Variants in CSMD2 observed in about 807,000 individuals in gnomAD.
CSMD2 encodes CUB and Sushi multiple domains 2.
A neutral mutation model predicts 398.5 loss-of-function variants in CSMD2; 130 were observed. That is an observed-to-expected ratio of 0.33 (90% CI 0.28 to 0.38). The LOEUF is 0.38. CSMD2 is among the 10% of genes least tolerant of loss of function. The pLI is 1.00. For synonymous variants in CSMD2, 1,828 were observed against 1,908.5 expected (o/e 0.96, Z 1.10); for missense variants, 3,829 against 4,764.9 (o/e 0.80, Z 5.78).
chr1:33,627,963 T>C (rs1642231301), intron 32 of CSMD2, among the ~76,000 whole-genome samples: 1 of 152,136 alleles, frequency 6.6e-6, no homozygotes, highest in African/African-American at 2.4e-5. Context: ...GTAAAATCAC[T>C]GGACATAAGA....
intron 2 of CSMD2, among the ~76,000 whole-genome samples, chr1:34,047,060 T>C (rs1017087166): frequency 1.3e-5 from 2 of 152,064 alleles, no homozygotes; most frequent in African/African-American, 4.8e-5. Flanking sequence ...CTTCTCTGCT[T>C]GAAACCCTTC....
rs758149123 is a variant in CSMD2 at position 33,518,987 on chromosome 1, A to T, written c.*53+478T>A. Among the ~76,000 whole-genome samples, 1 of 152,146 alleles carries T rather than the reference A, an allele frequency of 6.6e-6. No individual in the cohort carries two copies. The highest frequency in any genetic ancestry group is 1.5e-5 in the Non-Finnish European group (1 of 68,032). On this transcript the variant is annotated intron_variant, in intron 70 of 70. Coordinates refer to ENST00000373381, the MANE Select transcript of CSMD2 (RefSeq NM_001281956.2). This position sits in a 1 kb window ranked among gnomAD's most constrained non-coding sequence, Gnocchi z 4.3. ...ATACACAATATACCTATATACACAG[A>T]TATATGTGCATCTCTGTATAGCTCT...
intron 62 of CSMD2, among the ~76,000 whole-genome samples, chr1:33,534,363 A>T (rs915926406): frequency 3.3e-5 from 5 of 152,230 alleles, no homozygotes; most frequent in African/African-American, 1.2e-4. Context: ...CAAATTAAAT[A>T]TTGTGTGTGT....
chr1:34,096,357 G>C (rs898087644), intron 1 of CSMD2, among the ~76,000 whole-genome samples: 1 of 151,982 alleles, frequency 6.6e-6, no homozygotes, highest in Non-Finnish European at 1.5e-5. Flanking sequence ...GCACAAGACA[G>C]GGATGCCCTC....
rs576720381 is a variant in CSMD2 at position 33,877,207 on chromosome 1, C to T, written c.921-30211G>A. Among the ~76,000 whole-genome samples the T allele has an allele frequency of 3.9e-5, 6 of 152,186 alleles. No homozygotes were observed. In the East Asian group the frequency reaches 9.6e-4, roughly 24 times the overall value. On this transcript the variant is annotated intron_variant, in intron 5 of 70. Coordinates refer to ENST00000373381, the MANE Select transcript of CSMD2 (RefSeq NM_001281956.2). ...AAAGCTGTTCAGGATGGCTATGGCG[C>T]ACAGCCCAGGGCTGACTCAGCATTG...
At chr1:33,871,387 G>A (rs1640450091) in intron 5 of CSMD2, among the ~76,000 whole-genome samples, 1 of 152,186 alleles carries the variant, frequency 6.6e-6, no homozygotes, top group Non-Finnish European at 1.5e-5. Flanking sequence ...CTTAAAAGAA[G>A]TGATGAACAT....
At chr1:34,010,820 G>A (rs533489791) in intron 3 of CSMD2, among the ~76,000 whole-genome samples, 6 of 152,116 alleles carry the variant, frequency 3.9e-5, no homozygotes, top group South Asian at 2.1e-4. Context: ...AGGTTTCACC[G>A]TGTTAGCCTC....
rs940552086 is a variant in CSMD2 at position 33,573,198 on chromosome 1, A to G, written c.7577-507T>C. Among the ~76,000 whole-genome samples, 76 of 152,204 alleles carry G rather than the reference A, an allele frequency of 5.0e-4. 4 individuals carry two copies. Among genetic ancestry groups the G allele is most frequent in the East Asian group, 1.9e-4 (1 of 5,204 alleles). On this transcript the variant is annotated intron_variant, in intron 49 of 70. Transcript: ENST00000373381. ...TGCCACATACTCAACTCAACCTCTCACTGATAGGAGAGACTTTGTGGACCA... is the reference window on the plus strand; with the variant it reads ...TGCCACATACTCAACTCAACCTCTCGCTGATAGGAGAGACTTTGTGGACCA...
At chr1:33,762,497 C>T (rs557628877) in intron 13 of CSMD2, among the ~76,000 whole-genome samples, 1 of 152,142 alleles carries the variant, frequency 6.6e-6, no homozygotes, top group African/African-American at 2.4e-5. Context: ...TCCTCTTCCA[C>T]GCAGGTAGCT....
chr1:33,660,249 T>C (rs549741849), intron 26 of CSMD2, among the ~76,000 whole-genome samples: 11 of 152,298 alleles, frequency 7.2e-5, no homozygotes, highest in Non-Finnish European at 1.5e-4. Context: ...TTTGTGAAAA[T>C]TGTAAGAGCT....
intron 44 of CSMD2, among the ~76,000 whole-genome samples, chr1:33,590,293 A>AT (rs1639342905): frequency 8.5e-6 from 1 of 117,446 alleles, no homozygotes; most frequent in African/African-American, 3.3e-5. Context: ...GGCTAATTAA[A>AT]ATTTTTTTTT....
At chr1:33,846,234 T>C (rs961446841) in intron 6 of CSMD2, among the ~76,000 whole-genome samples, 3 of 152,274 alleles carry the variant, frequency 2.0e-5, no homozygotes, top group Non-Finnish European at 4.4e-5. Flanking sequence ...TTCTTCATTA[T>C]TGCAGCAGAA....
intron 44 of CSMD2, among the ~76,000 whole-genome samples, chr1:33,593,492 A>G (rs945072363): frequency 3.3e-5 from 5 of 152,240 alleles, no homozygotes; most frequent in African/African-American, 7.2e-5. Context: ...ATGGTGGCAG[A>G]CAAGACAAGA....
rs530387254 is a variant in CSMD2, at chr1:33,612,592, A to T, written c.6134-1342T>A. Reference sequence around the variant, plus strand: ...GTTCATTCATTTTAACTGCATGTTAATTCCATTTTATGAATTATCCAACCA... The same window carrying T: ...GTTCATTCATTTTAACTGCATGTTATTTCCATTTTATGAATTATCCAACCA... On this transcript the variant is annotated intron_variant, in intron 40 of 70. Transcript: ENST00000373381. Among the ~76,000 whole-genome samples the T allele has an allele frequency of 4.6e-5, 7 of 152,310 alleles. No homozygotes were observed. The South Asian group carries it at 1.2e-3, about 27-fold the overall frequency.
chr1:34,136,717 A>G (rs913450639), intron 1 of CSMD2, among the ~76,000 whole-genome samples: 4 of 152,318 alleles, frequency 2.6e-5, no homozygotes. Flanking sequence ...GAGTTTGCTT[A>G]AACAATAAAT....
chr1:33,678,291 T>C (rs1468761173), intron 25 of CSMD2, among the ~76,000 whole-genome samples: 2 of 120,416 alleles, frequency 1.7e-5, no homozygotes, highest in African/African-American at 3.3e-5. Context: ...ATGAGCCAAA[T>C]AAACCTCTTT....
intron 6 of CSMD2, among the ~76,000 whole-genome samples, chr1:33,831,578 C>T (rs1031310307): frequency 4.1e-4 from 62 of 151,822 alleles, no homozygotes; most frequent in Non-Finnish European, 5.2e-4. Context: ...TAAAGACCAT[C>T]GAGACTAGGA....
chr1:34,104,608 C>A (rs779769287), intron 1 of CSMD2, among the ~76,000 whole-genome samples: 1 of 152,116 alleles, frequency 6.6e-6, no homozygotes, highest in Non-Finnish European at 1.5e-5. Flanking sequence ...GGAAACACAG[C>A]GGGGAGCTGC....
Position 33,658,146 on chromosome 1 carries a change from A to G in CSMD2, c.4256-9T>C. 1 of 1,608,554 alleles carries G rather than the reference A, an allele frequency of 6.2e-7. No homozygotes were observed. The highest frequency in any genetic ancestry group is 1.1e-5 in the South Asian group (1 of 90,854). ...GGACGTTGCTGTGGACACTGGGGCA[A>G]GGAAATAGAAGAGAGGGTAAGGTCG... On this transcript the variant is annotated splice_polypyrimidine_tract_variant and intron_variant, in intron 26 of 70. Coordinates refer to ENST00000373381, the MANE Select transcript of CSMD2 (RefSeq NM_001281956.2).
Sources: gnomAD v4.1 joint callset for allele counts (sites outside exome capture counted in the v4.1 genomes callset) on GRCh38, gnomAD v4.1.1 for gene constraint, Gnocchi (gnomAD v3.1) non-coding constraint, MANE v1.5 for transcripts, NCBI Gene and HGNC (gene_info 2026-07-23, HGNC 2026-07-21) for gene names.